The following ARHGAP9 variants were observed in gnomAD, a reference collection of about 807,000 sequenced individuals.
ARHGAP9 encodes the protein rho GTPase-activating protein 9.
Under a neutral mutation model 87.3 loss-of-function variants are expected in ARHGAP9, and 76 were observed. The ratio of observed to expected loss-of-function variants is 0.87; its 90% CI spans 0.72 to 1.05. ARHGAP9 has a LOEUF of 1.05. Among genes scored for constraint, ARHGAP9 ranks in the 50% least tolerant of loss-of-function variants. The probability of loss-of-function intolerance (pLI) is 0.00; values close to 1 mark genes in which losing one functional copy is unlikely to be tolerated. For missense variants in ARHGAP9, 941 were observed against 960.5 expected (o/e 0.98, Z 0.27); for synonymous variants, 382 against 394.9 (o/e 0.97, Z 0.39).
intron 8 of ARHGAP9, 65 bp downstream of exon 8, chr12:57,476,299 C>A (rs1473808028): frequency 6.3e-7 from 1 of 1,579,014 alleles, no homozygotes; most frequent in East Asian, 2.3e-5. Flanking sequence ...CCGCTGCCGC[C>A]CCCACATTGG....
chr12:57,473,073 T>C (rs950967229), intron 17 of ARHGAP9, among the ~76,000 whole-genome samples: 14 of 152,196 alleles, frequency 9.2e-5, no homozygotes, highest in African/African-American at 3.4e-4. Flanking sequence ...ATTTCCCTTA[T>C]TCCTTTCACA....
intron 1 of ARHGAP9, chr12:57,487,736 C>A: frequency 4.2e-6 from 1 of 238,028 alleles, no homozygotes; most frequent in South Asian, 6.3e-5. Context: ...GTAGTCCCAG[C>A]TGCATGGGAG....
rs571341564 is a variant in ARHGAP9 at position 57,485,713 on chromosome 12, T to C, written c.-203-1750A>G. ...TGTTTGTTTGTTTTGTTGTTGTTAA[T>C]GTAACAACAGCCATTTTATTATAGT... On this transcript the variant is annotated intron_variant, in intron 1 of 20. Coordinates refer to the ARHGAP9 transcript ENST00000393797. 5.3e-5 allele frequency among the ~76,000 whole-genome samples: 8 copies of C among 152,312 alleles called. No individual in the cohort carries two copies. In the East Asian group the frequency reaches 1.5e-3, roughly 29 times the overall value.
intron 14 of ARHGAP9, 41 bp from the exon 15 acceptor site, chr12:57,474,517 A>C (rs773564336): frequency 1.2e-6 from 2 of 1,613,724 alleles, no homozygotes; most frequent in African/African-American, 2.7e-5. Flanking sequence ...TAAGACATAC[A>C]CTTCCAGCCT....
intron 15 of ARHGAP9, 22 bp from the exon 16 acceptor site, chr12:57,474,198 G>A (rs1259981489): frequency 1.2e-6 from 2 of 1,604,346 alleles, no homozygotes; most frequent in Non-Finnish European, 8.5e-7. Flanking sequence ...AGGAGGTATA[G>A]GGGCTCATGA....
chr12:57,480,722 G>A (rs1874923795), upstream of ARHGAP9: 67 of 1,508,382 alleles, frequency 4.4e-5, no homozygotes, highest in South Asian at 7.8e-4. Context: ...AAGGTGGGAA[G>A]TGACCTTCCC....
chr12:57,486,873 A>G (rs1425713649), intron 1 of ARHGAP9, among the ~76,000 whole-genome samples: 6 of 119,432 alleles, frequency 5.0e-5, no homozygotes, highest in Non-Finnish European at 7.4e-5. Context: ...GGGGCAGAGC[A>G]AGACTCCGTC....
intron 5 of ARHGAP9, 74 bp downstream of exon 5, chr12:57,477,082 T>G: frequency 6.5e-7 from 1 of 1,549,042 alleles, no homozygotes; most frequent in South Asian, 1.1e-5. Context: ...GAATGGAGAA[T>G]GTCTTACACA....
chr12:57,483,217 T>G (rs1010525368), upstream of ARHGAP9, among the ~76,000 whole-genome samples: 11 of 152,214 alleles, frequency 7.2e-5, no homozygotes, highest in African/African-American at 2.7e-4. Context: ...AAGTATGCCC[T>G]ATTTCCCATG....
In ARHGAP9 at chr12:57,479,107, T is replaced by C. The variant is rs978675170; in HGVS notation, c.300A>G (p.Gln100=). The C allele has an allele frequency of 1.2e-6, 2 of 1,613,862 alleles. No individual in the cohort carries two copies. The highest frequency in any genetic ancestry group is 1.3e-5 in the African/African-American group (1 of 74,854). ...SQSPTTVIPG[Q]LLWTPGPKLF... ...CTTACTCACCAGGAGTCCAGAGCAA[T>C]TGGCCGGGGATGACGGTAGTTGGAC... Residue 100 remains glutamine, a synonymous_variant, in exon 2 of 18, where the codon CAA becomes CAG. Coordinates refer to ENST00000393791, the MANE Select transcript of ARHGAP9 (RefSeq NM_032496.4).
upstream of ARHGAP9, among the ~76,000 whole-genome samples, chr12:57,484,538 C>G (rs1385681754): frequency 6.6e-6 from 1 of 152,116 alleles, no homozygotes; most frequent in African/African-American, 2.4e-5. Context: ...GATAACTGTA[C>G]CTTCAATGCC....
chr12:57,474,617 C>G lies in ARHGAP9; in HGVS notation c.1729+9G>C. On this transcript the variant is annotated intron_variant, in intron 14 of 17. Transcript: ENST00000393791. Reference sequence around the variant, plus strand: ...CTTAGTACAACCACTGGCCCACAAGCCTTCTCACCTCTGTCCACCAGAAAG... The same window carrying G: ...CTTAGTACAACCACTGGCCCACAAGGCTTCTCACCTCTGTCCACCAGAAAG... 6.2e-7 allele frequency: 1 copy of G among 1,614,186 alleles called. No individual in the cohort carries two copies. Among genetic ancestry groups the G allele is most frequent in the East Asian group, 2.2e-5 (1 of 44,880 alleles).
intron 1 of ARHGAP9, chr12:57,488,098 T>G: frequency 6.2e-7 from 1 of 1,614,090 alleles, no homozygotes; most frequent in Non-Finnish European, 8.5e-7. Flanking sequence ...GAAATGAGAC[T>G]GTTCGTGAGT....
chr12:57,487,691 A>G (rs1485105601), intron 1 of ARHGAP9: 2 of 185,400 alleles, frequency 1.1e-5, no homozygotes, highest in African/African-American at 4.8e-5. Context: ...TCTACTAAAA[A>G]TACAAAAATT....
chr12:57,474,048 C>G lies in ARHGAP9; in HGVS notation c.1912G>C (p.Ala638Pro). 6.2e-7 allele frequency: 1 copy of G among 1,613,530 alleles called. No individual in the cohort carries two copies. Among genetic ancestry groups the G allele is most frequent in the Non-Finnish European group, 8.5e-7 (1 of 1,179,728 alleles). ...CCAAAGCTCCAACCCTTACCAAGGG[C>G]AGCACGGAAATGGGGCAGCAGCAGT... is the stretch of plus-strand genomic sequence containing the variant. ...PPLLLPHFRA[A>P]LALSESEQCL... Residue 638 changes from alanine (A) to proline (P), a missense_variant, in exon 16 of 18, where the codon GCC (alanine) becomes CCC (proline). Coordinates refer to ENST00000393791, the MANE Select transcript of ARHGAP9 (RefSeq NM_032496.4).
upstream of ARHGAP9, among the ~76,000 whole-genome samples, chr12:57,484,584 A>G (rs1156645875): frequency 6.6e-6 from 1 of 152,182 alleles, no homozygotes; most frequent in African/African-American, 2.4e-5. Flanking sequence ...TCTGGCATAA[A>G]GTCATAACTT....
chr12:57,475,188 T>A, intron 12 of ARHGAP9, 103 bp downstream of exon 12: 1 of 1,284,238 alleles, frequency 7.8e-7, no homozygotes, highest in Non-Finnish European at 1.1e-6. Flanking sequence ...TCTGGGGTAG[T>A]GGGAAAGCAG....
intron 1 of ARHGAP9, chr12:57,487,972 A>G: frequency 2.6e-6 from 2 of 759,508 alleles, no homozygotes; most frequent in Non-Finnish European, 4.7e-6. Context: ...ACTTTCCGGT[A>G]GCGGTGCCAG....
intron 1 of ARHGAP9, among the ~76,000 whole-genome samples, chr12:57,485,547 A>C (rs1294631437): frequency 4.5e-5 from 5 of 110,684 alleles, no homozygotes; most frequent in South Asian, 3.5e-4. Context: ...TAAGAGTAAG[A>C]CTCCATCTGA....
Sources: allele counts gnomAD v4.1 joint callset (sites outside exome capture counted in the v4.1 genomes callset), GRCh38; gene constraint gnomAD v4.1.1; transcripts MANE v1.5; gene names NCBI Gene and HGNC (gene_info 2026-07-23, HGNC 2026-07-21).